The following PARD3 variants were observed in gnomAD, a reference collection of about 807,000 sequenced individuals.
PARD3 encodes partitioning defective 3 homolog.
Under a neutral mutation model 155.4 loss-of-function variants are expected in PARD3, and 75 were observed. The ratio of observed to expected loss-of-function variants is 0.48; its 90% CI spans 0.40 to 0.58. The LOEUF is 0.58. PARD3 is among the 20% of genes least tolerant of loss of function. The pLI, the probability that PARD3 is intolerant of heterozygous loss-of-function variation, is 0.00. For missense variants in PARD3, 1,642 were observed against 1,721.7 expected, an observed-to-expected ratio of 0.95 and a Z score of 0.82; for synonymous variants, 576 against 610.5, an observed-to-expected ratio of 0.94 and a Z score of 0.83.
intron 2 of PARD3, among the ~76,000 whole-genome samples, chr10:34,563,641 C>T (rs1400560233): frequency 6.6e-6 from 1 of 151,092 alleles, no homozygotes; most frequent in Non-Finnish European, 1.5e-5. Context: ...AGTGATTCTT[C>T]TGCCTTAGCC....
intron 1 of PARD3, among the ~76,000 whole-genome samples, chr10:34,789,715 C>A (rs1169135769): frequency 5.3e-5 from 8 of 150,022 alleles, no homozygotes; most frequent in African/African-American, 2.0e-4. Flanking sequence ...ACCCGCCCCC[C>A]CAAAAAAATA....
chr10:34,525,762 C>G (rs2082431659), intron 2 of PARD3, among the ~76,000 whole-genome samples: 1 of 151,782 alleles, frequency 6.6e-6, no homozygotes, highest in Non-Finnish European at 1.5e-5. Flanking sequence ...AGGCGTGAGC[C>G]TCTGTGCCCG....
intron 22 of PARD3, among the ~76,000 whole-genome samples, chr10:34,161,953 G>A (rs945067285): frequency 5.3e-5 from 8 of 152,168 alleles, no homozygotes; most frequent in Non-Finnish European, 1.5e-5. Flanking sequence ...GACCAGCTTT[G>A]TCAGTAATAT....
intron 2 of PARD3, among the ~76,000 whole-genome samples, chr10:34,607,205 T>C (rs1450874956): frequency 6.6e-6 from 1 of 152,098 alleles, no homozygotes; most frequent in African/African-American, 2.4e-5. Flanking sequence ...AAGTCATTAC[T>C]CAAGACCCAT....
At chr10:34,797,408 T>C (rs1842387795) in intron 1 of PARD3, among the ~76,000 whole-genome samples, 1 of 152,154 alleles carries the variant, frequency 6.6e-6, no homozygotes, top group Non-Finnish European at 1.5e-5. Context: ...CACTTCAGTC[T>C]CCCAACGTGC....
intron 2 of PARD3, among the ~76,000 whole-genome samples, chr10:34,554,564 T>C (rs1321181383): frequency 6.6e-6 from 1 of 152,218 alleles, no homozygotes; most frequent in Non-Finnish European, 1.5e-5. Context: ...AGGGAGGATA[T>C]AGATTTCTCA....
chr10:34,587,216 C>T (rs1035254862), intron 2 of PARD3, among the ~76,000 whole-genome samples: 4 of 152,070 alleles, frequency 2.6e-5, no homozygotes, highest in African/African-American at 9.7e-5. Context: ...CTCCACCTCC[C>T]GAGTTCAAGC....
intron 3 of PARD3, among the ~76,000 whole-genome samples, chr10:34,499,421 G>A (rs539142865): frequency 6.6e-6 from 1 of 152,136 alleles, no homozygotes; most frequent in South Asian, 2.1e-4. Context: ...TACCAGGTGA[G>A]GATATAGACA....
intron 2 of PARD3, among the ~76,000 whole-genome samples, chr10:34,694,470 CTTTTTTTTTTTTT>C (rs34628015): frequency 5.9e-5 from 6 of 101,922 alleles, no homozygotes; most frequent in Admixed American, 1.2e-4. Context: ...AAAACTTCTG[CTTTTTTTTTTTTT>C]TTTTTTTTTT....
intron 14 of PARD3, among the ~76,000 whole-genome samples, chr10:34,350,694 A>T (rs1329875231): frequency 1.3e-5 from 2 of 152,080 alleles, no homozygotes; most frequent in South Asian, 2.1e-4. Context: ...AAGTAAGCAC[A>T]ACTGCGATTT....
chr10:34,694,343 T>G (rs1485691898), intron 2 of PARD3, among the ~76,000 whole-genome samples: 1 of 151,998 alleles, frequency 6.6e-6, no homozygotes, highest in African/African-American at 2.4e-5. Context: ...TGAAAGATGG[T>G]ACTCTTCATG....
intron 1 of PARD3, among the ~76,000 whole-genome samples, chr10:34,768,523 C>G (rs1453597859): frequency 6.6e-6 from 1 of 152,202 alleles, no homozygotes; most frequent in African/African-American, 2.4e-5. Context: ...AGGAGGCAAT[C>G]AGATACACAT....
intron 22 of PARD3, among the ~76,000 whole-genome samples, chr10:34,200,296 C>T (rs1030089774): frequency 6.6e-6 from 1 of 152,128 alleles, no homozygotes; most frequent in Non-Finnish European, 1.5e-5. Flanking sequence ...CCCGAGACTG[C>T]TGACTTCCAA....
At chr10:34,715,274 C>T (rs910085166) in intron 1 of PARD3, among the ~76,000 whole-genome samples, 1 of 152,082 alleles carries the variant, frequency 6.6e-6, no homozygotes, top group African/African-American at 2.4e-5. Flanking sequence ...GACAAGGTCT[C>T]GCTGTGTTGC....
At chr10:34,484,439 C>T (rs1432504928) in intron 3 of PARD3, among the ~76,000 whole-genome samples, 1 of 152,194 alleles carries the variant, frequency 6.6e-6, no homozygotes, top group East Asian at 1.9e-4. Flanking sequence ...TGCTCTTGTG[C>T]TTATTTTCTT....
intron 5 of PARD3, among the ~76,000 whole-genome samples, chr10:34,447,219 C>T (rs1033898908): frequency 6.6e-5 from 10 of 152,028 alleles, no homozygotes; most frequent in African/African-American, 1.7e-4. Context: ...GAGTGGCTCA[C>T]GCCTGAGATC....
At chr10:34,299,564 G>C (rs1260480428) in intron 20 of PARD3, among the ~76,000 whole-genome samples, 2 of 152,170 alleles carry the variant, frequency 1.3e-5, no homozygotes, top group South Asian at 2.1e-4. Context: ...ATGACTCAGA[G>C]AATGTCTGTC....
chr10:34,353,193 G>C (rs1838366276), intron 14 of PARD3, among the ~76,000 whole-genome samples: 1 of 152,190 alleles, frequency 6.6e-6, no homozygotes, highest in East Asian at 1.9e-4. Flanking sequence ...GCGTCTGCCT[G>C]GGCGCCACCC....
chr10:34,639,942 C>T (rs747161469), intron 2 of PARD3, among the ~76,000 whole-genome samples: 23 of 152,122 alleles, frequency 1.5e-4, no homozygotes, highest in Non-Finnish European at 2.8e-4. Flanking sequence ...TGTGAAGCAC[C>T]TAGCACATGG....
Sources: allele counts gnomAD v4.1 joint callset (sites outside exome capture counted in the v4.1 genomes callset), GRCh38; gene constraint gnomAD v4.1.1; transcripts MANE v1.5; gene names NCBI Gene and HGNC (gene_info 2026-07-23, HGNC 2026-07-21).